The following SLC10A7 variants were observed in gnomAD, a reference collection of about 807,000 sequenced individuals.
The protein encoded by SLC10A7 is solute carrier family 10 member 7.
Under a neutral mutation model 43.2 loss-of-function variants are expected in SLC10A7, and 29 were observed. That is an observed-to-expected ratio of 0.67 (90% CI 0.50 to 0.92). The LOEUF is 0.92. Ranked by LOEUF, SLC10A7 falls within the 40% of genes least tolerant of loss-of-function variation. The pLI is 0.00. For missense variants in SLC10A7, 295 were observed against 403.2 expected, an observed-to-expected ratio of 0.73 and a Z score of 2.30; for synonymous variants, 152 against 144.8, an observed-to-expected ratio of 1.05 and a Z score of -0.35.
intron 7 of SLC10A7, among the ~76,000 whole-genome samples, chr4:146,304,446 T>G (rs1300852018): frequency 2.6e-5 from 4 of 152,076 alleles, no homozygotes; most frequent in Non-Finnish European, 4.4e-5. Context: ...TCTGGTATGT[T>G]GTGTCTTTGT....
At chr4:146,442,237 T>TTAAA in intron 5 of SLC10A7, 1 of 819,532 alleles carries the variant, frequency 1.2e-6, no homozygotes, top group Non-Finnish European at 1.5e-6. Context: ...TTTTGAATCT[T>TTAAA]TATATATATA....
At position 146,294,053 on chromosome 4, in the gene SLC10A7, G is replaced by T; in HGVS notation, c.598C>A (p.Pro200Thr). 7.4e-6 allele frequency: 12 copies of T among 1,610,996 alleles called. No individual in the cohort carries two copies. The highest frequency in any genetic ancestry group is 1.0e-5 in the Non-Finnish European group (12 of 1,178,066). Reference protein sequence around the residue: ...YIKDWLERKKPPFGAISSSVL... With the variant: ...YIKDWLERKKTPFGAISSSVL... ...CTGCTGCTGATAGCACCAAAAGGAG[G>T]CTTCTTTCTCTCAAGCCAATCCTTG... is the stretch of plus-strand genomic sequence containing the variant. Residue 200 changes from proline (P) to threonine (T), a missense_variant, in exon 8 of 12, where the codon CCT (proline) becomes ACT (threonine). Physicochemically the swap from Pro to Thr is conservative, Grantham distance 38 (BLOSUM62 -1). Around this residue, in one of 2 missense-constraint regions of SLC10A7, gnomAD observed 242 missense variants for 362.5 expected, o/e 0.67. Coordinates refer to ENST00000335472, the MANE Select transcript of SLC10A7 (RefSeq NM_001029998.6).
chr4:146,405,314 T>A (rs1727589846), intron 5 of SLC10A7, among the ~76,000 whole-genome samples: 1 of 152,178 alleles, frequency 6.6e-6, no homozygotes, highest in Non-Finnish European at 1.5e-5. Context: ...ATCTTTCACT[T>A]TGTCCTTATA....
chr4:146,307,631 T>G (rs1281718756), intron 6 of SLC10A7, among the ~76,000 whole-genome samples: 5 of 151,964 alleles, frequency 3.3e-5, no homozygotes, highest in Non-Finnish European at 4.4e-5. Context: ...AATAGAAAAA[T>G]ACACTTTAAA....
chr4:146,314,349 T>A (rs1380971760), intron 6 of SLC10A7, among the ~76,000 whole-genome samples: 1 of 152,166 alleles, frequency 6.6e-6, no homozygotes, highest in Non-Finnish European at 1.5e-5. Flanking sequence ...GACAGTCAGA[T>A]CAAGGGAACA....
chr4:146,482,674 G>A (rs140078635), intron 4 of SLC10A7, among the ~76,000 whole-genome samples: 53 of 152,090 alleles, frequency 3.5e-4, no homozygotes, highest in Admixed American at 1.6e-3. Flanking sequence ...GAGTTCCAGA[G>A]AAGAGACAGA....
chr4:146,355,679 C>T (rs1173008598), intron 5 of SLC10A7, among the ~76,000 whole-genome samples: 1 of 151,806 alleles, frequency 6.6e-6, no homozygotes, highest in Non-Finnish European at 1.5e-5. Context: ...GAAAATGTGG[C>T]ACATATACAC....
chr4:146,521,843 A>C lies in SLC10A7; in HGVS notation c.-126T>G. The C allele has an allele frequency of 2.6e-6, 2 of 756,894 alleles. No homozygotes were observed. The highest frequency in any genetic ancestry group is 4.4e-6 in the Non-Finnish European group (2 of 458,944). The allele number at this position is 756,894 out of a possible 1,614,324, so 46.9% of individuals were successfully genotyped here. ...CTCCAGACATGCAGCAGAGCAAGTC[A>C]AATTGCCGATTGTAAAGTAAAGACC... On this transcript the variant is annotated 5_prime_UTR_variant, in exon 1 of 12. Transcript: ENST00000335472.
chr4:146,289,293 C>G (rs565298047), intron 9 of SLC10A7, among the ~76,000 whole-genome samples: 1 of 152,260 alleles, frequency 6.6e-6, no homozygotes, highest in African/African-American at 2.4e-5. Context: ...TCTCCCAGGG[C>G]TATGGTGAAA....
At chr4:146,430,088 C>T (rs1729660105) in intron 5 of SLC10A7, among the ~76,000 whole-genome samples, 1 of 147,284 alleles carries the variant, frequency 6.8e-6, no homozygotes, top group South Asian at 2.1e-4. Flanking sequence ...ACAAGGATTT[C>T]TTAGATAGGA....
At chr4:146,351,038 T>C (rs1276734185) in intron 5 of SLC10A7, among the ~76,000 whole-genome samples, 4 of 150,634 alleles carry the variant, frequency 2.7e-5, no homozygotes, top group African/African-American at 7.4e-5. Context: ...TGGAGAATGA[T>C]TTTGACGAGC....
At chr4:146,360,083 A>G (rs1735935750) in intron 5 of SLC10A7, among the ~76,000 whole-genome samples, 1 of 152,210 alleles carries the variant, frequency 6.6e-6, no homozygotes, top group Non-Finnish European at 1.5e-5. Flanking sequence ...CCTAGGCATC[A>G]TCCTTAACTC....
intron 2 of SLC10A7, among the ~76,000 whole-genome samples, chr4:146,512,777 T>C (rs537998286): frequency 6.6e-6 from 1 of 152,350 alleles, no homozygotes; most frequent in East Asian, 1.9e-4. Context: ...CCTTCACATA[T>C]GTTTCCAAAT....
chr4:146,274,690 A>T (rs1729098975), intron 10 of SLC10A7, among the ~76,000 whole-genome samples: 1 of 152,186 alleles, frequency 6.6e-6, no homozygotes. Flanking sequence ...ACAATATCAT[A>T]TATTGAAACC....
intron 4 of SLC10A7, among the ~76,000 whole-genome samples, chr4:146,463,507 G>A (rs1363062676): frequency 1.3e-5 from 2 of 152,122 alleles, no homozygotes; most frequent in Non-Finnish European, 2.9e-5. Flanking sequence ...TTGGGAGGCC[G>A]AGGTAGGAGG....
chr4:146,289,933 T>C (rs1730304156), intron 9 of SLC10A7, among the ~76,000 whole-genome samples: 1 of 149,762 alleles, frequency 6.7e-6, no homozygotes, highest in African/African-American at 2.4e-5. Flanking sequence ...CCTGGCTGGT[T>C]TTGAACTCCT....
chr4:146,283,085 G>T, intron 10 of SLC10A7, 107 bp downstream of exon 10: 1 of 859,496 alleles, frequency 1.2e-6, no homozygotes, highest in Non-Finnish European at 1.9e-6. Flanking sequence ...CTAATAGTGT[G>T]GACAACACCC....
intron 7 of SLC10A7, among the ~76,000 whole-genome samples, chr4:146,295,337 A>G (rs1730708086): frequency 6.6e-6 from 1 of 152,146 alleles, no homozygotes; most frequent in South Asian, 2.1e-4. Context: ...AGTGTGTTAG[A>G]TATTTTAAAA....
chr4:146,358,783 T>TGAA, intron 5 of SLC10A7, among the ~76,000 whole-genome samples: 1 of 151,352 alleles, frequency 6.6e-6, no homozygotes, highest in African/African-American at 2.4e-5. Flanking sequence ...GATGGACATT[T>TGAA]GAATTTTTTT....
Sources: allele counts gnomAD v4.1 joint callset (sites outside exome capture counted in the v4.1 genomes callset), GRCh38; gene constraint gnomAD v4.1.1; regional missense constraint gnomAD v4.1.1; transcripts MANE v1.5; gene names NCBI Gene and HGNC (gene_info 2026-07-23, HGNC 2026-07-21).